The following SPON1 variants were observed in gnomAD, a reference collection of about 807,000 sequenced individuals.
SPON1 encodes the protein spondin-1.
In SPON1, 52 loss-of-function variants were observed where a neutral mutation model predicts 111.7. The ratio of observed to expected loss-of-function variants is 0.47; its 90% CI spans 0.37 to 0.59. The LOEUF is 0.59. Ranked by LOEUF, SPON1 falls within the 20% of genes least tolerant of loss-of-function variation. The pLI is 0.00. For synonymous variants in SPON1, 410 were observed against 395.8 expected (o/e 1.04, Z -0.43); for missense variants, 957 against 1,068.5 (o/e 0.90, Z 1.46).
At chr11:14,247,154 T>C (rs1849000355) in intron 7 of SPON1, among the ~76,000 whole-genome samples, 1 of 152,206 alleles carries the variant, frequency 6.6e-6, no homozygotes, top group South Asian at 2.1e-4. Flanking sequence ...ACACCTGTAA[T>C]CTTAACATTT....
chr11:14,132,204 G>A (rs565961325), intron 5 of SPON1, among the ~76,000 whole-genome samples: 2 of 152,190 alleles, frequency 1.3e-5, no homozygotes, highest in African/African-American at 4.8e-5. Context: ...CTTGAACCTG[G>A]GAGGCAGAGG....
rs185030664 is a variant in SPON1, at chr11:14,168,205, A to T, written c.825+32637A>T. 1.5e-3 allele frequency among the ~76,000 whole-genome samples: 230 copies of T among 152,298 alleles called. 1 individual carries two copies. The highest frequency in any genetic ancestry group is 4.9e-3 in the African/African-American group (205 of 41,574). ...GTAGGTAAATTGAACAATTTTCAAA[A>T]GTCAAACAGTTTGACCTTAAAGCAT... On this transcript the variant is annotated intron_variant, in intron 6 of 15. Coordinates refer to ENST00000576479, the MANE Select transcript of SPON1 (RefSeq NM_006108.4).
Position 14,265,653 on chromosome 11 carries a change from A to G in SPON1, c.2390A>G (p.Lys797Arg), listed in dbSNP as rs1554942417. 2 of 1,613,780 alleles carry G rather than the reference A, an allele frequency of 1.2e-6. No homozygotes were observed. The highest frequency in any genetic ancestry group is 3.3e-5 in the Admixed American group (2 of 60,012). The change falls in exon 16 of 16, where the codon AAG (lysine) becomes AGG (arginine). Residue 797 changes from lysine to arginine, a missense_variant. Transcript: ENST00000576479. Reference protein sequence around the residue: ...SSQFTSCKDKKEIRACNVHPC With the variant: ...SSQFTSCKDKREIRACNVHPC The stretch of plus-strand genomic sequence containing the variant: ...CAGTTTACCAGCTGCAAAGACAAGA[A>G]GGAGATCAGAGCATGCAATGTTCAT...
intron 4 of SPON1, among the ~76,000 whole-genome samples, chr11:14,077,420 C>A (rs1329058383): frequency 1.3e-5 from 2 of 151,918 alleles, no homozygotes; most frequent in Admixed American, 6.6e-5. Context: ...TATGCATACA[C>A]ATACTTTATT....
chr11:14,028,220 A>T (rs187861446), intron 2 of SPON1, among the ~76,000 whole-genome samples: 51 of 152,220 alleles, frequency 3.4e-4, no homozygotes, highest in African/African-American at 1.1e-3. Context: ...GGTGGCTCAC[A>T]CCTGTAATCT....
chr11:14,146,484 A>G (rs1158335891), intron 6 of SPON1, among the ~76,000 whole-genome samples: 1 of 152,110 alleles, frequency 6.6e-6, no homozygotes, highest in Non-Finnish European at 1.5e-5. Context: ...TATTTAAATG[A>G]ACAAAGAAAA....
At chr11:14,168,212 C>G (rs1297382744) in intron 6 of SPON1, among the ~76,000 whole-genome samples, 5 of 152,150 alleles carry the variant, frequency 3.3e-5, no homozygotes, top group African/African-American at 9.7e-5. Flanking sequence ...AAAAGTCAAA[C>G]AGTTTGACCT....
Position 14,005,452 on chromosome 11 carries a change from T to C in SPON1, c.345+22499T>C, listed in dbSNP as rs1038305672. Among the ~76,000 whole-genome samples the C allele has an allele frequency of 6.6e-5, 10 of 152,356 alleles. No homozygotes were observed. In the East Asian group the frequency reaches 1.4e-3, roughly 21 times the overall value. ...TGCACAATTAGACTCATCCGTTCCATGGCTTTGAGTACCATCTGCGTGATA... is the reference window on the plus strand; with the variant it reads ...TGCACAATTAGACTCATCCGTTCCACGGCTTTGAGTACCATCTGCGTGATA... On this transcript the variant is annotated intron_variant, in intron 2 of 15. Coordinates refer to ENST00000576479, the MANE Select transcript of SPON1 (RefSeq NM_006108.4).
chr11:14,133,931 G>A (rs961356696), intron 5 of SPON1, among the ~76,000 whole-genome samples: 3 of 152,204 alleles, frequency 2.0e-5, no homozygotes, highest in Admixed American at 6.5e-5. Flanking sequence ...AGGAAGGTGC[G>A]GCCTGGCTTT....
chr11:14,260,136 T>G (rs986003446), intron 13 of SPON1, among the ~76,000 whole-genome samples: 1 of 152,194 alleles, frequency 6.6e-6, no homozygotes, highest in African/African-American at 2.4e-5. Context: ...CAAATGCATA[T>G]GGGCCTGCCC....
intron 6 of SPON1, among the ~76,000 whole-genome samples, chr11:14,238,254 T>C (rs1233090819): frequency 6.6e-6 from 1 of 152,080 alleles, no homozygotes; most frequent in Non-Finnish European, 1.5e-5. Context: ...GGAGGAGAGA[T>C]GGTAGGGGCA....
intron 6 of SPON1, among the ~76,000 whole-genome samples, chr11:14,221,728 C>A (rs951170450): frequency 6.6e-6 from 1 of 152,192 alleles, no homozygotes; most frequent in Non-Finnish European, 1.5e-5. Context: ...TCTGCTCCCC[C>A]CATCTTCACA....
chr11:14,257,523 A>C (rs1175527800), intron 10 of SPON1, among the ~76,000 whole-genome samples, 193 bp from the exon 11 acceptor site: 2 of 152,222 alleles, frequency 1.3e-5, no homozygotes, highest in Non-Finnish European at 2.9e-5. Flanking sequence ...TAGATTAGAT[A>C]TTTATTAGCA....
intron 5 of SPON1, among the ~76,000 whole-genome samples, chr11:14,127,755 T>A: frequency 6.6e-6 from 1 of 152,200 alleles, no homozygotes; most frequent in Non-Finnish European, 1.5e-5. Context: ...CATTTTCACA[T>A]GATATAAAGA....
chr11:14,223,658 A>G (rs559454303), intron 6 of SPON1, among the ~76,000 whole-genome samples: 3 of 152,180 alleles, frequency 2.0e-5, no homozygotes, highest in African/African-American at 7.2e-5. Flanking sequence ...ATACCCCCTC[A>G]CCACTCCGAA....
chr11:14,087,906 T>C (rs1289963483), intron 5 of SPON1, among the ~76,000 whole-genome samples: 1 of 152,230 alleles, frequency 6.6e-6, no homozygotes, highest in Admixed American at 6.5e-5. Flanking sequence ...CCCTTCTTTG[T>C]CTTTTTTGAT....
chr11:14,116,425 T>A (rs1849267606), intron 5 of SPON1, among the ~76,000 whole-genome samples: 2 of 152,138 alleles, frequency 1.3e-5, no homozygotes, highest in Admixed American at 1.3e-4. Flanking sequence ...TGGTGTGAGG[T>A]AGGAGTCAAT....
chr11:14,090,824 GCCCCCCCCCCCCC>G (rs1176498162), intron 5 of SPON1, among the ~76,000 whole-genome samples: 3 of 45,580 alleles, frequency 6.6e-5, no homozygotes, highest in African/African-American at 2.9e-4. Flanking sequence ...CTCTTATCTG[GCCCCCCCCCCCCC>G]CCCCCCCGCC....
chr11:14,240,246 T>C (rs1848911182), intron 6 of SPON1, among the ~76,000 whole-genome samples: 1 of 152,220 alleles, frequency 6.6e-6, no homozygotes, highest in South Asian at 2.1e-4. Flanking sequence ...TTCTCTCTGA[T>C]CCTTATAGAA....
Sources: gnomAD v4.1 joint callset for allele counts (sites outside exome capture counted in the v4.1 genomes callset) on GRCh38, gnomAD v4.1.1 for gene constraint, MANE v1.5 for transcripts, NCBI Gene and HGNC (gene_info 2026-07-23, HGNC 2026-07-21) for gene names.